The following KCNQ1OT1 variants were observed in gnomAD, a reference collection of about 807,000 sequenced individuals.
KCNQ1OT1 encodes the protein KCNQ1 opposite strand/antisense transcript 1.
Position 2,617,780 on chromosome 11 carries a change from A to C in KCNQ1OT1, n.82215T>G, listed in dbSNP as rs1849092351. ...AATTTTGATTTGCATTTCCCTGACG[A>C]TTAGTGATGTTAAATGTCTTTTCAT... is the stretch of plus-strand genomic sequence containing the variant. On this transcript the variant is annotated non_coding_transcript_exon_variant, in exon 1 of 1. Transcript: ENST00000597346. The surrounding 1 kb of genome is among the most constrained non-coding windows in gnomAD (Gnocchi z 4.6). 1 of 398,516 alleles carries C rather than the reference A, an allele frequency of 2.5e-6. No individual in the cohort carries two copies. The highest frequency in any genetic ancestry group is 4.4e-6 in the Non-Finnish European group (1 of 226,008). 24.7% of individuals were successfully genotyped at this position (398,516 alleles called of 1,614,324 possible).
chr11:2,618,039 T>C (rs1849097199), exon 1 of KCNQ1OT1: 1 of 398,498 alleles, frequency 2.5e-6, no homozygotes, highest in South Asian at 1.3e-4. Flanking sequence ...TTTAGTTTGA[T>C]GGTATACCAA....
chr11:2,691,224 AG>A lies in KCNQ1OT1; in HGVS notation n.8770del, dbSNP rs1332867277. The A allele has an allele frequency of 5.0e-6, 2 of 398,498 alleles. No homozygotes were observed. Among genetic ancestry groups the A allele is most frequent in the South Asian group, 2.5e-4 (2 of 7,854 alleles). 24.7% of individuals were successfully genotyped at this position (398,498 alleles called of 1,614,324 possible). On this transcript the variant is annotated non_coding_transcript_exon_variant, in exon 1 of 1. Coordinates refer to ENST00000597346, the Ensembl canonical transcript of KCNQ1OT1. This position sits in a 1 kb window ranked among gnomAD's most constrained non-coding sequence, Gnocchi z 6.4. ...AAAAATTAGCAAGTGGAGGAGTTAG[AG>A]GATCTGCAGTTAACCCCTTGAGTCT...
Position 2,661,797 on chromosome 11 carries a change from A to G in KCNQ1OT1, n.38198T>C, listed in dbSNP as rs1237784960. 3 of 784,574 alleles carry G rather than the reference A, an allele frequency of 3.8e-6. No homozygotes were observed. Among genetic ancestry groups the G allele is most frequent in the East Asian group, 5.3e-5 (2 of 37,640 alleles). 48.6% of individuals were successfully genotyped at this position (784,574 alleles called of 1,614,324 possible). On this transcript the variant is annotated non_coding_transcript_exon_variant, in exon 1 of 1. Transcript: ENST00000597346. This position sits in a 1 kb window ranked among gnomAD's most constrained non-coding sequence, Gnocchi z 5.9. ...CAGGCACTTTGGGGCCATCTTAAAC[A>G]CCCACCCACCCCAACACCCAACTAT...
chr11:2,671,677 A>T lies in KCNQ1OT1; in HGVS notation n.28318T>A, dbSNP rs539089238. Reference sequence around the variant, plus strand: ...GAAACTGAGGCAGAGAGCAGGGGTGACTTTGCAAGGCAATAGAGGGTACTT... The same window carrying T: ...GAAACTGAGGCAGAGAGCAGGGGTGTCTTTGCAAGGCAATAGAGGGTACTT... On this transcript the variant is annotated non_coding_transcript_exon_variant, in exon 1 of 1. Transcript: ENST00000597346. This position sits in a 1 kb window ranked among gnomAD's most constrained non-coding sequence, Gnocchi z 4.7. 7.5e-6 allele frequency: 3 copies of T among 398,742 alleles called. No homozygotes were observed. The East Asian group carries it at 1.1e-4, about 14-fold the overall frequency. 24.7% of individuals were successfully genotyped at this position (398,742 alleles called of 1,614,324 possible). A position where few individuals can be genotyped will look rare whatever the true frequency, so the allele number is the denominator to read the frequency against.
At chr11:2,640,173 G>A (rs138707643) in exon 1 of KCNQ1OT1, 67 of 381,770 alleles carry the variant, frequency 1.8e-4, no homozygotes, top group Middle Eastern at 6.6e-4. Context: ...GCGATGCCTC[G>A]CCCTACTTCG....
At chr11:2,618,807 A>G (rs375289379) in exon 1 of KCNQ1OT1, 1 of 398,284 alleles carries the variant, frequency 2.5e-6, no homozygotes, top group African/African-American at 2.1e-5. Context: ...ATTCAGATTC[A>G]TGAGCATGGG....
rs1849873347 is a variant in KCNQ1OT1 at position 2,657,638 on chromosome 11, T to C, written n.42357A>G. The C allele has an allele frequency of 1.0e-5, 4 of 398,644 alleles. No individual in the cohort carries two copies. Among genetic ancestry groups the C allele is most frequent in the Non-Finnish European group, 1.8e-5 (4 of 226,050 alleles). The allele number at this position is 398,644 out of a possible 1,614,324, so 24.7% of individuals were successfully genotyped here. On this transcript the variant is annotated non_coding_transcript_exon_variant, in exon 1 of 1. Coordinates refer to ENST00000597346, the Ensembl canonical transcript of KCNQ1OT1. This position sits in a 1 kb window ranked among gnomAD's most constrained non-coding sequence, Gnocchi z 4.8. ...TTGGTACACTATTAAGCTAGAGTTA[T>C]AAATTTATTTGGATTTCCCCAGTTT... is the stretch of plus-strand genomic sequence containing the variant.
chr11:2,638,313 C>T (rs1235353565), exon 1 of KCNQ1OT1: 2 of 152,142 alleles, frequency 1.3e-5, no homozygotes, highest in Admixed American at 6.6e-5. Flanking sequence ...TGGCTGGTAC[C>T]AATTGTTCCT....
Position 2,619,250 on chromosome 11 carries a change from T to A in KCNQ1OT1, n.80745A>T, listed in dbSNP as rs1256779602. ...AGCTAGAGTGGGCATCCTTGCCTTG[T>A]ACTGGTTCATAGTAGAAGGGCTTCT... On this transcript the variant is annotated non_coding_transcript_exon_variant, in exon 1 of 1. Coordinates refer to ENST00000597346, the Ensembl canonical transcript of KCNQ1OT1. The A allele has an allele frequency of 1.5e-5, 6 of 398,464 alleles. No individual in the cohort carries two copies. The Admixed American group carries it at 2.6e-4, about 18-fold the overall frequency. The allele number at this position is 398,464 out of a possible 1,614,324, so 24.7% of individuals were successfully genotyped here.
chr11:2,633,358 T>C (rs1174581219), exon 1 of KCNQ1OT1: 3 of 398,408 alleles, frequency 7.5e-6, no homozygotes, highest in East Asian at 7.1e-5. Flanking sequence ...TCCTTTTATG[T>C]GTAGGTTTTT....
exon 1 of KCNQ1OT1, chr11:2,615,896 T>A: frequency 2.5e-6 from 1 of 397,834 alleles, no homozygotes; most frequent in African/African-American, 2.1e-5. Context: ...ATTGCAAAGT[T>A]TTTTCTCCTC....
At chr11:2,684,753 G>C (rs967160550) in exon 1 of KCNQ1OT1, 2 of 398,506 alleles carry the variant, frequency 5.0e-6, no homozygotes, top group African/African-American at 4.1e-5. Context: ...GGAGAAAAGG[G>C]GTAAGGGAGG....
chr11:2,655,570 C>T (rs1849830946), exon 1 of KCNQ1OT1: 2 of 398,740 alleles, frequency 5.0e-6, no homozygotes, highest in East Asian at 3.6e-5. Flanking sequence ...GAAATACCCA[C>T]TTCAGAGGTG....
chr11:2,646,943 T>C (rs1290967143), exon 1 of KCNQ1OT1: 2 of 398,552 alleles, frequency 5.0e-6, no homozygotes, highest in Non-Finnish European at 8.8e-6. Flanking sequence ...CAAAGGACAA[T>C]ATGACATTCT....
rs2133892484 is a variant in KCNQ1OT1 at position 2,691,436 on chromosome 11, G to A, written n.8559C>T. The A allele has an allele frequency of 2.5e-6, 1 of 398,606 alleles. No homozygotes were observed. Among genetic ancestry groups the A allele is most frequent in the South Asian group, 1.3e-4 (1 of 7,860 alleles). The allele number at this position is 398,606 out of a possible 1,614,324, so 24.7% of individuals were successfully genotyped here. A position where few individuals can be genotyped will look rare whatever the true frequency, so the allele number is the denominator to read the frequency against. On this transcript the variant is annotated non_coding_transcript_exon_variant, in exon 1 of 1. Coordinates refer to ENST00000597346, the Ensembl canonical transcript of KCNQ1OT1. This position sits in a 1 kb window ranked among gnomAD's most constrained non-coding sequence, Gnocchi z 6.4. ...TGTGGGGAGTCCACTGAAGCTCCCTGCCCCCACTGAGTCTCTGATGTTGAC... is the reference window on the plus strand; with the variant it reads ...TGTGGGGAGTCCACTGAAGCTCCCTACCCCCACTGAGTCTCTGATGTTGAC...
At position 2,651,795 on chromosome 11, in the gene KCNQ1OT1, A is replaced by G. The variant is rs1849760303; in HGVS notation, n.48200T>C. 2.5e-6 allele frequency: 1 copy of G among 398,532 alleles called. No individual in the cohort carries two copies. Among genetic ancestry groups the G allele is most frequent in the South Asian group, 1.3e-4 (1 of 7,868 alleles). The allele number at this position is 398,532 out of a possible 1,614,324, so 24.7% of individuals were successfully genotyped here. A position where few individuals can be genotyped will look rare whatever the true frequency, so the allele number is the denominator to read the frequency against. Reference sequence around the variant, plus strand: ...ACCATTTTGATTCCTGGGCCCCTTAAGAGTCCATTAGCATTGGAATGGAGC... The same window carrying G: ...ACCATTTTGATTCCTGGGCCCCTTAGGAGTCCATTAGCATTGGAATGGAGC... On this transcript the variant is annotated non_coding_transcript_exon_variant, in exon 1 of 1. Coordinates refer to ENST00000597346, the Ensembl canonical transcript of KCNQ1OT1. The surrounding 1 kb of genome is among the most constrained non-coding windows in gnomAD (Gnocchi z 6.1).
At chr11:2,697,517 G>A (rs2133899621) in exon 1 of KCNQ1OT1, 1 of 398,560 alleles carries the variant, frequency 2.5e-6, no homozygotes, top group Admixed American at 4.4e-5. Context: ...GTATCAAGTT[G>A]AAGAAGTTCC....
exon 1 of KCNQ1OT1, chr11:2,610,485 G>C (rs1470050575): frequency 2.5e-6 from 1 of 398,126 alleles, no homozygotes; most frequent in Non-Finnish European, 4.4e-6. Flanking sequence ...TTACCAACTG[G>C]TGGTATTTCC....
In KCNQ1OT1 at chr11:2,630,317, T is replaced by C. The variant is rs201764710; in HGVS notation, n.69678A>G. ...TGCTGTTAAATTCAGTTTGATCATATTTTGTTGAAAATTTTTAAATGTATA... is the reference window on the plus strand; with the variant it reads ...TGCTGTTAAATTCAGTTTGATCATACTTTGTTGAAAATTTTTAAATGTATA... On this transcript the variant is annotated non_coding_transcript_exon_variant, in exon 1 of 1. Coordinates refer to ENST00000597346, the Ensembl canonical transcript of KCNQ1OT1. The C allele has an allele frequency of 2.8e-5, 11 of 398,290 alleles. No homozygotes were observed. In the East Asian group the frequency reaches 3.9e-4, roughly 14 times the overall value. 24.7% of individuals were successfully genotyped at this position (398,290 alleles called of 1,614,324 possible). A position where few individuals can be genotyped will look rare whatever the true frequency, so the allele number is the denominator to read the frequency against.
Sources: gnomAD v4.1 joint callset for allele counts on GRCh38, gnomAD v4.1.1 for gene constraint, Gnocchi (gnomAD v3.1) non-coding constraint, MANE v1.5 for transcripts, NCBI Gene and HGNC (gene_info 2026-07-23, HGNC 2026-07-21) for gene names.